The following PAFAH1B2 variants were observed in gnomAD, a reference collection of about 807,000 sequenced individuals.
PAFAH1B2 encodes the protein platelet-activating factor acetylhydrolase IB subunit alpha2.
A neutral mutation model predicts 28.0 loss-of-function variants in PAFAH1B2; 8 were observed. The ratio of observed to expected loss-of-function variants is 0.29; its 90% confidence interval spans 0.17 to 0.52. The LOEUF is 0.52. PAFAH1B2 is among the 20% of genes least tolerant of loss of function. The pLI, the probability that PAFAH1B2 is intolerant of heterozygous loss-of-function variation, is 0.97. For synonymous variants in PAFAH1B2, 104 were observed against 103.2 expected, an observed-to-expected ratio of 1.01 and a Z score of -0.05; for missense variants, 190 against 282.6, an observed-to-expected ratio of 0.67 and a Z score of 2.35.
At position 117,168,456 on chromosome 11, in the gene PAFAH1B2, T is replaced by TTTTTTG. The variant is rs1956569024; in HGVS notation, c.*762_*763insGTTTTT. ...TCCCCCCGCCACCCCGTTTTTTTTTTTTTTTTTTTTTTTTTGGTTCTTGTT... is the reference window on the plus strand; with the variant it reads ...TCCCCCCGCCACCCCGTTTTTTTTTTTTTTTGTTTTTTTTTTTTTTTGGTTCTTGTT... On this transcript the variant is annotated 3_prime_UTR_variant, in exon 6 of 6. Coordinates refer to ENST00000527958, the MANE Select transcript of PAFAH1B2 (RefSeq NM_002572.4). 1 of 901,278 alleles carries TTTTTTG rather than the reference T, an allele frequency of 1.1e-6. No homozygotes were observed. Among genetic ancestry groups the TTTTTTG allele is most frequent in the Non-Finnish European group, 1.3e-6 (1 of 757,012 alleles). 55.8% of individuals were successfully genotyped at this position (901,278 alleles called of 1,614,324 possible).
downstream of PAFAH1B2, among the ~76,000 whole-genome samples, chr11:117,177,466 T>C (rs142383855): frequency 1.7e-4 from 26 of 152,378 alleles, no homozygotes; most frequent in East Asian, 4.2e-3. Context: ...CATTGCTAAA[T>C]GTTTAGTACA....
At chr11:117,178,010 C>A (rs1374180462), downstream of PAFAH1B2, among the ~76,000 whole-genome samples, 1 of 152,174 alleles carries the variant, frequency 6.6e-6, no homozygotes, top group African/African-American at 2.4e-5. Flanking sequence ...ATAAGCGTAG[C>A]TGCCCAGGTA....
chr11:117,171,836 G>GTA (rs1031948010), downstream of PAFAH1B2: 1 of 971,818 alleles, frequency 1.0e-6, no homozygotes, highest in African/African-American at 1.6e-5. Context: ...CACCTCAGTG[G>GTA]TATACTGTTG....
chr11:117,149,493 C>G (rs1956097082), intron 1 of PAFAH1B2, among the ~76,000 whole-genome samples: 1 of 128,050 alleles, frequency 7.8e-6, no homozygotes, highest in Admixed American at 9.7e-5. Flanking sequence ...GTGGCACGAT[C>G]TCGGCTTACT....
At chr11:117,158,360 G>C (rs1247572415) in intron 2 of PAFAH1B2, among the ~76,000 whole-genome samples, 1 of 151,372 alleles carries the variant, frequency 6.6e-6, no homozygotes, top group East Asian at 2.0e-4. Context: ...ATTTTAGAGA[G>C]TGTCTTGTGC....
At chr11:117,171,925 C>A (rs1272091117), downstream of PAFAH1B2, among the ~76,000 whole-genome samples, 1 of 152,096 alleles carries the variant, frequency 6.6e-6, no homozygotes, top group Non-Finnish European at 1.5e-5. Context: ...TGCCCTTCCC[C>A]CCTCCCCAGT....
chr11:117,166,000 G>A (rs984899818), intron 5 of PAFAH1B2, among the ~76,000 whole-genome samples: 1 of 152,068 alleles, frequency 6.6e-6, no homozygotes, highest in Non-Finnish European at 1.5e-5. Context: ...CACCATGCCC[G>A]GCTAATTTTT....
At chr11:117,167,251 A>T (rs905929181) in intron 5 of PAFAH1B2, among the ~76,000 whole-genome samples, 170 bp from the exon 6 acceptor site, 2 of 152,176 alleles carry the variant, frequency 1.3e-5, no homozygotes, top group African/African-American at 4.8e-5. Context: ...CCATGAAAAA[A>T]CTAAGAAGAA....
At chr11:117,154,056 A>G (rs539062333) in intron 2 of PAFAH1B2, among the ~76,000 whole-genome samples, 8 of 151,732 alleles carry the variant, frequency 5.3e-5, no homozygotes, top group Admixed American at 3.9e-4. Context: ...TAAGGCTACA[A>G]TGAACTATAA....
chr11:117,168,314 G>C lies in PAFAH1B2; in HGVS notation c.*615G>C, dbSNP rs1375273073. ...GCAGTGAAAAACAGGTTTTGCCCCA[G>C]TAGAGGGATTCTTTGGAGGGTATTA... On this transcript the variant is annotated 3_prime_UTR_variant, in exon 6 of 6. Transcript: ENST00000527958. 9.4e-7 allele frequency: 1 copy of C among 1,064,214 alleles called. No individual in the cohort carries two copies. Among genetic ancestry groups the C allele is most frequent in the Non-Finnish European group, 1.1e-6 (1 of 878,708 alleles). 65.9% of individuals were successfully genotyped at this position (1,064,214 alleles called of 1,614,324 possible). A position where few individuals can be genotyped will look rare whatever the true frequency, so the allele number is the denominator to read the frequency against.
intron 2 of PAFAH1B2, among the ~76,000 whole-genome samples, chr11:117,154,553 C>G (rs1412735230): frequency 6.6e-6 from 1 of 152,174 alleles, no homozygotes; most frequent in East Asian, 1.9e-4. Flanking sequence ...TGATCCACCA[C>G]CGCTTCTCAA....
intron 1 of PAFAH1B2, among the ~76,000 whole-genome samples, chr11:117,151,920 GAT>G (rs1672329391): frequency 6.6e-6 from 1 of 152,068 alleles, no homozygotes; most frequent in East Asian, 1.9e-4. Context: ...TGTTAGCCAG[GAT>G]GGTCTTGATC....
At chr11:117,153,967 A>C (rs1437149454) in intron 2 of PAFAH1B2, among the ~76,000 whole-genome samples, 2 of 148,736 alleles carry the variant, frequency 1.3e-5, no homozygotes, top group Non-Finnish European at 3.0e-5. Flanking sequence ...ACAGTGGCTC[A>C]TGCCTGTAAT....
intron 5 of PAFAH1B2, among the ~76,000 whole-genome samples, chr11:117,166,838 A>C (rs370003894): frequency 6.6e-6 from 1 of 152,200 alleles, no homozygotes. Context: ...AGGGTAGACA[A>C]CGTTGGAGGT....
intron 5 of PAFAH1B2, among the ~76,000 whole-genome samples, chr11:117,165,164 C>G (rs1591750946): frequency 6.6e-6 from 1 of 151,520 alleles, no homozygotes; most frequent in Non-Finnish European, 1.5e-5. Context: ...ACCGTGTTAG[C>G]CATGGTCTCG....
At chr11:117,175,741 T>G, downstream of PAFAH1B2, 1 of 1,083,982 alleles carries the variant, frequency 9.2e-7, no homozygotes, top group East Asian at 2.7e-5. Flanking sequence ...GATGTGCGTT[T>G]AAAACAGGCG....
rs536055106 is a variant in PAFAH1B2 at position 117,157,656 on chromosome 11, A to G, written c.82-2278A>G. ...AAACAGCATTGGAAACCTAGGCATG[A>G]TAGAGCATTCCTGTAGTCCTAGCTA... On this transcript the variant is annotated intron_variant, in intron 2 of 5. Transcript: ENST00000527958. Among the ~76,000 whole-genome samples, 5 of 152,272 alleles carry G rather than the reference A, an allele frequency of 3.3e-5. No individual in the cohort carries two copies. In the South Asian group the frequency reaches 1.0e-3, roughly 32 times the overall value.
chr11:117,154,175 G>A (rs1267463122), intron 2 of PAFAH1B2, among the ~76,000 whole-genome samples: 1 of 151,818 alleles, frequency 6.6e-6, no homozygotes, highest in Non-Finnish European at 1.5e-5. Flanking sequence ...ATGGACATCT[G>A]GATCATTTAT....
downstream of PAFAH1B2, chr11:117,175,199 A>G: frequency 9.0e-7 from 1 of 1,112,904 alleles, no homozygotes; most frequent in Non-Finnish European, 1.1e-6. Flanking sequence ...TATGCCAGGG[A>G]ATGCGGTAGC....
Sources: gnomAD v4.1 joint callset for allele counts (sites outside exome capture counted in the v4.1 genomes callset) on GRCh38, gnomAD v4.1.1 for gene constraint, MANE v1.5 for transcripts, NCBI Gene and HGNC (gene_info 2026-07-23, HGNC 2026-07-21) for gene names.